C7: variants seen among roughly 807,000 people sequenced by gnomAD.
C7 encodes the protein complement component C7.
Under a neutral mutation model 104.8 loss-of-function variants are expected in C7, and 83 were observed. The ratio of observed to expected loss-of-function variants is 0.79; its 90% CI spans 0.66 to 0.95. The LOEUF is 0.95. Ranked by LOEUF, C7 falls within the 40% of genes least tolerant of loss-of-function variation. The pLI is 0.00. For synonymous variants in C7, 415 were observed against 360.6 expected, an observed-to-expected ratio of 1.15 and a Z score of -1.71; for missense variants, 1,070 against 1,011.2, an observed-to-expected ratio of 1.06 and a Z score of -0.79.
intron 11 of C7, among the ~76,000 whole-genome samples, chr5:40,958,922 C>A (rs933891038): frequency 2.0e-5 from 3 of 152,032 alleles, no homozygotes; most frequent in Non-Finnish European, 4.4e-5. Context: ...ACTAAATGAA[C>A]GATAAATGAA....
intron 14 of C7, 101 bp from the exon 15 acceptor site, chr5:40,972,302 A>G: frequency 3.2e-6 from 3 of 934,918 alleles, no homozygotes; most frequent in East Asian, 5.2e-5. Flanking sequence ...GTCCTCTAAT[A>G]TGAAAAAGCA....
intron 14 of C7, among the ~76,000 whole-genome samples, chr5:40,968,103 C>T (rs1480127862): frequency 6.6e-6 from 1 of 151,072 alleles, no homozygotes; most frequent in African/African-American, 2.4e-5. Context: ...ATCTTTTCCC[C>T]CTCTGTTTCA....
intron 10 of C7, among the ~76,000 whole-genome samples, chr5:40,956,144 A>T (rs1000285419): frequency 6.6e-6 from 1 of 152,222 alleles, no homozygotes; most frequent in Non-Finnish European, 1.5e-5. Flanking sequence ...CATCTGTCAC[A>T]CTCATATGAA....
intron 3 of C7, among the ~76,000 whole-genome samples, chr5:40,933,768 T>C (rs1467093623): frequency 6.6e-6 from 1 of 152,200 alleles, no homozygotes; most frequent in Non-Finnish European, 1.5e-5. Flanking sequence ...CTCTGCTTCA[T>C]CTTAACCCCT....
intron 4 of C7, among the ~76,000 whole-genome samples, chr5:40,935,047 C>T (rs1486888588): frequency 6.6e-6 from 1 of 152,140 alleles, no homozygotes; most frequent in Non-Finnish European, 1.5e-5. Context: ...CATGCCTCTT[C>T]CCTCACAAAT....
chr5:40,930,171 T>C (rs549693616), intron 2 of C7, among the ~76,000 whole-genome samples: 2 of 151,996 alleles, frequency 1.3e-5, no homozygotes, highest in South Asian at 4.2e-4. Flanking sequence ...TGTGTCTCTG[T>C]CCTTCCTTCT....
intron 1 of C7, among the ~76,000 whole-genome samples, chr5:40,926,176 G>A (rs1410211861): frequency 2.6e-5 from 4 of 152,176 alleles, no homozygotes; most frequent in African/African-American, 9.7e-5. Context: ...CATCTTGTTA[G>A]ATGCAGAAAA....
chr5:40,946,602 CT>C (rs1740055269), intron 7 of C7, among the ~76,000 whole-genome samples: 1 of 152,126 alleles, frequency 6.6e-6, no homozygotes, highest in African/African-American at 2.4e-5. Flanking sequence ...GTAGCTTCAC[CT>C]GCAAATACCC....
At chr5:40,920,497 T>A (rs1268581025) in intron 1 of C7, among the ~76,000 whole-genome samples, 3 of 138,522 alleles carry the variant, frequency 2.2e-5, no homozygotes, top group Non-Finnish European at 3.1e-5. Context: ...ATACCAATAA[T>A]GAGTAAAAAG....
At chr5:40,953,861 G>GTACCATAACATA (rs1170466990) in intron 9 of C7, among the ~76,000 whole-genome samples, 1 of 131,244 alleles carries the variant, frequency 7.6e-6, no homozygotes, top group Non-Finnish European at 1.7e-5. Context: ...CCATAAACAT[G>GTACCATAACATA]TACCATTATT....
At chr5:40,917,329 A>AT (rs1554040749) in intron 1 of C7, among the ~76,000 whole-genome samples, 1 of 152,076 alleles carries the variant, frequency 6.6e-6, no homozygotes, top group Non-Finnish European at 1.5e-5. Context: ...AGACTTCAAC[A>AT]TTTTTAGATT....
chr5:40,963,268 C>A (rs1740460017), intron 13 of C7, among the ~76,000 whole-genome samples: 1 of 152,148 alleles, frequency 6.6e-6, no homozygotes, highest in African/African-American at 2.4e-5. Flanking sequence ...TTGTCCTCCA[C>A]GTTTTCTGAT....
chr5:40,965,637 T>TAC (rs1561255856), intron 14 of C7, among the ~76,000 whole-genome samples: 1 of 76,792 alleles, frequency 1.3e-5, no homozygotes, highest in African/African-American at 7.6e-5. Flanking sequence ...GATATATATA[T>TAC]ATATATATAT....
At chr5:40,923,691 A>G (rs528250652) in intron 1 of C7, among the ~76,000 whole-genome samples, 3 of 152,038 alleles carry the variant, frequency 2.0e-5, no homozygotes, top group Admixed American at 6.6e-5. Context: ...GGTTGCAGTG[A>G]GCCGAGATTG....
chr5:40,930,966 G>T lies in C7; in HGVS notation c.63-98G>T, dbSNP rs898350166. 1.2e-5 allele frequency: 10 copies of T among 813,004 alleles called. No individual in the cohort carries two copies. The African/African-American group carries it at 1.7e-4, about 14-fold the overall frequency. The allele number at this position is 813,004 out of a possible 1,614,324, so 50.4% of individuals were successfully genotyped here. On this transcript the variant is annotated intron_variant, in intron 2 of 17. Transcript: ENST00000313164. Reference sequence around the variant, plus strand: ...GTGTCTCTTCGGAAAAAATATTTGAGGCAACATTTAACTATTTTTGACTGT... The same window carrying T: ...GTGTCTCTTCGGAAAAAATATTTGATGCAACATTTAACTATTTTTGACTGT...
Position 40,920,005 on chromosome 5 carries a change from G to A in C7, c.7-8575G>A, listed in dbSNP as rs6889658. 7.4e-3 allele frequency among the ~76,000 whole-genome samples: 1,128 copies of A among 151,992 alleles called. 18 individuals are homozygous for A. The highest frequency in any genetic ancestry group is 0.026 in the African/African-American group (1,083 of 41,490). ...AATAAAAATCAGAGCAGAAATAAAT[G>A]AAATAGAGACTAGAAAAACAATACA... On this transcript the variant is annotated intron_variant, in intron 1 of 17. Transcript: ENST00000313164.
intron 8 of C7, 77 bp downstream of exon 8, chr5:40,947,922 C>G: frequency 7.2e-7 from 1 of 1,384,142 alleles, no homozygotes; most frequent in Non-Finnish European, 1.0e-6. Flanking sequence ...TTAATGTAAG[C>G]TTTTGAGCTT....
chr5:40,949,368 AAAAAACAC>A (rs1343915653), intron 8 of C7, among the ~76,000 whole-genome samples: 4 of 151,516 alleles, frequency 2.6e-5, no homozygotes, highest in African/African-American at 7.3e-5. Context: ...GGCAAAAAAA[AAAAAACAC>A]AAAAAACTCC....
chr5:40,968,594 ATATATATTTTTTTTTTTTTTTTTT>A (rs1399788971), intron 14 of C7, among the ~76,000 whole-genome samples: 726 of 25,850 alleles, frequency 0.028, 1 homozygote, highest in Middle Eastern at 0.045. Flanking sequence ...ATATATATAT[ATATATATTTTTTTTTTTTTTTTTT>A]TTTTTTTTTT....
Sources: allele counts gnomAD v4.1 joint callset (sites outside exome capture counted in the v4.1 genomes callset), GRCh38; gene constraint gnomAD v4.1.1; transcripts MANE v1.5; gene names NCBI Gene and HGNC (gene_info 2026-07-23, HGNC 2026-07-21).